The following SIX4 variants were observed in gnomAD, a reference collection of about 807,000 sequenced individuals.
SIX4 encodes SIX homeobox 4.
SIX4 carries 23 observed loss-of-function variants against 51.5 expected under a neutral mutation model. That is an observed-to-expected ratio of 0.45 (90% CI 0.32 to 0.63). The LOEUF (loss-of-function observed/expected upper bound fraction) is 0.63. Among genes scored for constraint, SIX4 ranks in the 30% least tolerant of loss-of-function variants. SIX4 has a pLI of 0.04. For synonymous variants in SIX4, 413 were observed against 417.3 expected (o/e 0.99, Z 0.13); for missense variants, 867 against 984.0 (o/e 0.88, Z 1.59).
In SIX4 at chr14:60,719,841, C is replaced by T. The variant is rs61743413; in HGVS notation, c.1468G>A (p.Gly490Arg). Residue 490 changes from glycine to arginine, a missense_variant, in exon 2 of 3, where the codon GGA (glycine) becomes AGA (arginine). Coordinates refer to ENST00000216513, the MANE Select transcript of SIX4 (RefSeq NM_017420.5). The surrounding 1 kb of genome is among the most constrained non-coding windows in gnomAD (Gnocchi z 4.9). ...CCATTAAGGAACTGGCTGTTTGCTCCGGAATTGGGGATCTGGACAATGCCA... is the reference window on the plus strand; with the variant it reads ...CCATTAAGGAACTGGCTGTTTGCTCTGGAATTGGGGATCTGGACAATGCCA... ...QYGIVQIPNS[G>R]ANSQFLNGSI... 4.2e-5 allele frequency: 67 copies of T among 1,614,012 alleles called. No individual in the cohort carries two copies. Among genetic ancestry groups the T allele is most frequent in the East Asian group, 1.1e-4 (5 of 44,898 alleles).
In SIX4 at chr14:60,719,508, T is replaced by C. The variant is rs1326941160; in HGVS notation, c.1549+252A>G. 6.6e-6 allele frequency among the ~76,000 whole-genome samples: 1 copy of C among 152,234 alleles called. No homozygotes were observed. Among genetic ancestry groups the C allele is most frequent in the Non-Finnish European group, 1.5e-5 (1 of 68,046 alleles). On this transcript the variant is annotated intron_variant, in intron 2 of 2. Coordinates refer to ENST00000216513, the MANE Select transcript of SIX4 (RefSeq NM_017420.5). The surrounding 1 kb of genome is among the most constrained non-coding windows in gnomAD (Gnocchi z 4.9). ...TAATTGTAGAACTGGCAGGACTTGC[T>C]ATGAACTGTATTTTTCCATTCAGTT...
Position 60,723,697 on chromosome 14 carries a change from C to A in SIX4, c.378G>T (p.Leu126=). The A allele has an allele frequency of 1.3e-6, 2 of 1,562,518 alleles. No homozygotes were observed. The highest frequency in any genetic ancestry group is 1.7e-6 in the Non-Finnish European group (2 of 1,155,348). ...VCEALQQGGN[L]DRLARFLWSL... is the part of the protein sequence containing the mutation. Reference sequence around the variant, plus strand: ...ACCACAGGAACCGGGCCAGGCGGTCCAGGTTGCCCCCCTGCTGCAGTGCCT... The same window carrying A: ...ACCACAGGAACCGGGCCAGGCGGTCAAGGTTGCCCCCCTGCTGCAGTGCCT... Residue 126 remains leucine (L), a synonymous_variant, in exon 1 of 3, where the codon CTG becomes CTT. Coordinates refer to ENST00000216513, the MANE Select transcript of SIX4 (RefSeq NM_017420.5).
At position 60,723,418 on chromosome 14, in the gene SIX4, G is replaced by T. The variant is rs759573608; in HGVS notation, c.657C>A (p.Thr219=). The T allele has an allele frequency of 1.9e-6, 3 of 1,611,286 alleles. No homozygotes were observed. The African/African-American group carries it at 4.0e-5, about 22-fold the overall frequency. Residue 219 remains threonine, a synonymous_variant, in exon 1 of 3, where the codon ACC becomes ACA. Coordinates refer to ENST00000216513, the MANE Select transcript of SIX4 (RefSeq NM_017420.5). ...ACACCGTCTCCTCGCCGTCCCAGAT[G>T]GTGCGGGGCAGGGGGAATTTCCTGC... ...RLRRKFPLPR[T]IWDGEETVYC...
intron 2 of SIX4, 37 bp from the exon 3 acceptor site, chr14:60,714,240 G>A: frequency 2.0e-6 from 3 of 1,508,054 alleles, no homozygotes; most frequent in Non-Finnish European, 2.6e-6. Flanking sequence ...ACTGATGGAA[G>A]TGAGAGGGAA....
Position 60,723,838 on chromosome 14 carries a change from C to T in SIX4, c.237G>A (p.Ala79=), listed in dbSNP as rs1409300755. The T allele has an allele frequency of 3.3e-6, 5 of 1,521,840 alleles. No individual in the cohort carries two copies. The highest frequency in any genetic ancestry group is 1.2e-5 in the South Asian group (1 of 82,304). 94.3% of individuals were successfully genotyped at this position (1,521,840 alleles called of 1,614,324 possible). A position where few individuals can be genotyped will look rare whatever the true frequency, so the allele number is the denominator to read the frequency against. ...AGTGGAGTTGTACCTGATCCGCCGC[C>T]GCTCCGGCCGCCGCCGCCGCCACTG... The part of the protein sequence containing the change: ...EGAVAAAAAG[A]AADQVQLHSE... The change falls in exon 1 of 3, where the codon GCG becomes GCA. Residue 79 remains alanine, a synonymous_variant. Transcript: ENST00000216513.
chr14:60,723,874 T>C lies in SIX4; in HGVS notation c.201A>G (p.Gly67=), dbSNP rs781133170. 34 of 1,540,712 alleles carry C rather than the reference T, an allele frequency of 2.2e-5. No individual in the cohort carries two copies. The Middle Eastern group carries it at 2.0e-3, about 90-fold the overall frequency. The change falls in exon 1 of 3, where the codon GGA becomes GGG. Residue 67 remains glycine (G), a synonymous_variant. Transcript: ENST00000216513. The stretch of plus-strand genomic sequence containing the variant: ...CCGCCGCCGCCACTGCCCCTTCCTC[T>C]CCGCTCACCCTGGCGGCAGCGGTCG... The part of the protein sequence containing the change: ...DAATAAARVS[G]EEGAVAAAAA...
In SIX4 at chr14:60,717,594, T is replaced by C. The variant is rs531095941; in HGVS notation, c.1549+2166A>G. On this transcript the variant is annotated intron_variant, in intron 2 of 2. Transcript: ENST00000216513. This position sits in a 1 kb window ranked among gnomAD's most constrained non-coding sequence, Gnocchi z 4.6. The stretch of plus-strand genomic sequence containing the variant: ...GAATTTGTAGAAATTATAACATATA[T>C]AAAAGAGAATTTGATCTAAAATTTG... Among the ~76,000 whole-genome samples, 2 of 152,258 alleles carry C rather than the reference T, an allele frequency of 1.3e-5. No individual in the cohort carries two copies. Among genetic ancestry groups the C allele is most frequent in the East Asian group, 3.9e-4 (2 of 5,192 alleles).
At position 60,714,187 on chromosome 14, in the gene SIX4, G is replaced by C; in HGVS notation, c.1566C>G (p.Ser522Arg). Residue 522 changes from serine (S) to arginine (R), a missense_variant, in exon 3 of 3, where the codon AGC (serine) becomes AGG (arginine). By Grantham distance (110) the Ser-to-Arg change is moderately radical. Coordinates refer to ENST00000216513, the MANE Select transcript of SIX4 (RefSeq NM_017420.5). ...ATGTGCTTCCATCTGAAGTGCTTGA[G>C]CTTACTGAGATATTACCTAAAAAAA... ...VAASQGNISV[S>R]SSTSDGSTFT... 6.3e-7 allele frequency: 1 copy of C among 1,588,104 alleles called. No homozygotes were observed. Among genetic ancestry groups the C allele is most frequent in the Non-Finnish European group, 8.5e-7 (1 of 1,173,416 alleles).
chr14:60,722,904 C>T lies in SIX4; in HGVS notation c.863+308G>A, dbSNP rs1260685722. ...GAGAGGGTGGCAACTTCAAAGCCAG[C>T]GGGATGGGGGTGGGAAGCTGGGCAG... On this transcript the variant is annotated intron_variant, in intron 1 of 2. Transcript: ENST00000216513. This position sits in a 1 kb window ranked among gnomAD's most constrained non-coding sequence, Gnocchi z 5.9. 1.1e-4 allele frequency: 30 copies of T among 269,730 alleles called. No homozygotes were observed. The East Asian group carries it at 1.7e-3, about 15-fold the overall frequency. The allele number at this position is 269,730 out of a possible 1,614,324, so 16.7% of individuals were successfully genotyped here. A position where few individuals can be genotyped will look rare whatever the true frequency, so the allele number is the denominator to read the frequency against.
rs948148885 is a variant in SIX4 at position 60,719,416 on chromosome 14, A to T, written c.1549+344T>A. ...TTTTGTGTTCTTAGCAATTTTATTA[A>T]TTTTTAATATTAAAATGCCAAGCAG... On this transcript the variant is annotated intron_variant, in intron 2 of 2. Transcript: ENST00000216513. The surrounding 1 kb of genome is among the most constrained non-coding windows in gnomAD (Gnocchi z 4.9). Among the ~76,000 whole-genome samples, 1 of 152,208 alleles carries T rather than the reference A, an allele frequency of 6.6e-6. No homozygotes were observed. The highest frequency in any genetic ancestry group is 1.5e-5 in the Non-Finnish European group (1 of 68,042).
At position 60,719,828 on chromosome 14, in the gene SIX4, T is replaced by C; in HGVS notation, c.1481A>G (p.Gln494Arg). The C allele has an allele frequency of 6.2e-7, 1 of 1,614,232 alleles. No individual in the cohort carries two copies. Among genetic ancestry groups the C allele is most frequent in the Non-Finnish European group, 8.5e-7 (1 of 1,180,038 alleles). The change falls in exon 2 of 3, where the codon CAG (glutamine) becomes CGG (arginine). Residue 494 changes from glutamine (Q) to arginine (R), a missense_variant. Transcript: ENST00000216513. This position sits in a 1 kb window ranked among gnomAD's most constrained non-coding sequence, Gnocchi z 4.9. Reference sequence around the variant, plus strand: ...GAATCCAATGCTCCCATTAAGGAACTGGCTGTTTGCTCCGGAATTGGGGAT... The same window carrying C: ...GAATCCAATGCTCCCATTAAGGAACCGGCTGTTTGCTCCGGAATTGGGGAT... ...VQIPNSGANS[Q>R]FLNGSIGFSP...
In SIX4 at chr14:60,722,995, A is replaced by C; in HGVS notation, c.863+217T>G. 2 of 868,394 alleles carry C rather than the reference A, an allele frequency of 2.3e-6. No individual in the cohort carries two copies. The highest frequency in any genetic ancestry group is 3.9e-5 in the Admixed American group (1 of 25,454). 53.8% of individuals were successfully genotyped at this position (868,394 alleles called of 1,614,324 possible). ...CGGGCGACCAGAAACTTCTGGGGGGAGAGGGGGAGGGTAAGGAGGGAGGTT... is the reference window on the plus strand; with the variant it reads ...CGGGCGACCAGAAACTTCTGGGGGGCGAGGGGGAGGGTAAGGAGGGAGGTT... On this transcript the variant is annotated intron_variant, in intron 1 of 2. Coordinates refer to ENST00000216513, the MANE Select transcript of SIX4 (RefSeq NM_017420.5). This position sits in a 1 kb window ranked among gnomAD's most constrained non-coding sequence, Gnocchi z 5.9.
In SIX4 at chr14:60,713,982, T is replaced by G. The variant is rs754936515; in HGVS notation, c.1771A>C (p.Asn591His). ...LMPVNQNAQV[N>H]ANLSSENISG... ...ATGTTTTCAGAAGACAGGTTTGCAT[T>G]TACTTGTGCATTCTGATTGACAGGC... Residue 591 changes from asparagine to histidine, a missense_variant, in exon 3 of 3, where the codon AAT becomes CAT. By Grantham distance (68) the Asn-to-His change is moderately conservative. Coordinates refer to ENST00000216513, the MANE Select transcript of SIX4 (RefSeq NM_017420.5). 3 of 1,614,102 alleles carry G rather than the reference T, an allele frequency of 1.9e-6. No individual in the cohort carries two copies. The Admixed American group carries it at 5.0e-5, about 27-fold the overall frequency.
chr14:60,720,853 C>A lies in SIX4; in HGVS notation c.864-408G>T. 1 of 678,856 alleles carries A rather than the reference C, an allele frequency of 1.5e-6. No individual in the cohort carries two copies. Among genetic ancestry groups the A allele is most frequent in the Non-Finnish European group, 1.8e-6 (1 of 544,548 alleles). 42.1% of individuals were successfully genotyped at this position (678,856 alleles called of 1,614,324 possible). On this transcript the variant is annotated intron_variant, in intron 1 of 2. Transcript: ENST00000216513. The surrounding 1 kb of genome is among the most constrained non-coding windows in gnomAD (Gnocchi z 5.5). ...TCTTTCCTGTTTAGGAACTCCTTCCCCTCCCCTCAAACCAATTCAGATTAG... is the reference window on the plus strand; with the variant it reads ...TCTTTCCTGTTTAGGAACTCCTTCCACTCCCCTCAAACCAATTCAGATTAG...
chr14:60,712,480 C>G lies in SIX4; in HGVS notation c.*927G>C, dbSNP rs1566736397. On this transcript the variant is annotated 3_prime_UTR_variant, in exon 3 of 3. Transcript: ENST00000216513. ...TGAATCAGAGTTGCTAAATAAAGAACAAGGATGTGAAAAAAAGTACCAAAA... is the reference window on the plus strand; with the variant it reads ...TGAATCAGAGTTGCTAAATAAAGAAGAAGGATGTGAAAAAAAGTACCAAAA... 2 of 152,404 alleles carry G rather than the reference C, an allele frequency of 1.3e-5. No individual in the cohort carries two copies. Among genetic ancestry groups the G allele is most frequent in the Non-Finnish European group, 1.5e-5 (1 of 67,968 alleles). The allele number at this position is 152,404 out of a possible 1,614,324, so 9.4% of individuals were successfully genotyped here.
chr14:60,724,021 T>C lies in SIX4; in HGVS notation c.54A>G (p.Gln18=), dbSNP rs147474764. 5.2e-4 allele frequency: 788 copies of C among 1,524,886 alleles called. 6 individuals are homozygous for C. In the African/African-American group the frequency reaches 7.1e-3, roughly 14 times the overall value. The allele number at this position is 1,524,886 out of a possible 1,614,324, so 94.5% of individuals were successfully genotyped here. A position where few individuals can be genotyped will look rare whatever the true frequency, so the allele number is the denominator to read the frequency against. ...CCGAGGCGCTTTCCATCCCATTCTCTTGCTTGATGTCCGCCGCACTTGCGA... is the reference window on the plus strand; with the variant it reads ...CCGAGGCGCTTTCCATCCCATTCTCCTGCTTGATGTCCGCCGCACTTGCGA... ...GQIASAADIK[Q]ENGMESASEG... Residue 18 remains glutamine, a synonymous_variant, in exon 1 of 3, where the codon CAA becomes CAG. Transcript: ENST00000216513.
rs776486708 is a variant in SIX4, at chr14:60,723,693, G to A, written c.382C>T (p.Arg128Cys). 1.3e-6 allele frequency: 2 copies of A among 1,564,406 alleles called. No homozygotes were observed. Among genetic ancestry groups the A allele is most frequent in the Non-Finnish European group, 1.7e-6 (2 of 1,156,390 alleles). The change falls in exon 1 of 3, where the codon CGC becomes TGC. Residue 128 changes from arginine (R) to cysteine (C), a missense_variant. Physicochemically the swap from Arg to Cys is radical, Grantham distance 180 (BLOSUM62 -3). Coordinates refer to ENST00000216513, the MANE Select transcript of SIX4 (RefSeq NM_017420.5). ...EALQQGGNLD[R>C]LARFLWSLPQ... ...AGGGACCACAGGAACCGGGCCAGGC[G>A]GTCCAGGTTGCCCCCCTGCTGCAGT...
In SIX4 at chr14:60,722,566, C is replaced by G. The variant is rs1896042597; in HGVS notation, c.863+646G>C. Reference sequence around the variant, plus strand: ...CCAGCACCCCACGTTGCCGCGGCCGCTAAGGGAACCATAGGGGCAGGGTGA... The same window carrying G: ...CCAGCACCCCACGTTGCCGCGGCCGGTAAGGGAACCATAGGGGCAGGGTGA... On this transcript the variant is annotated intron_variant, in intron 1 of 2. Coordinates refer to ENST00000216513, the MANE Select transcript of SIX4 (RefSeq NM_017420.5). This position sits in a 1 kb window ranked among gnomAD's most constrained non-coding sequence, Gnocchi z 5.9. 6.6e-6 allele frequency among the ~76,000 whole-genome samples: 1 copy of G among 152,184 alleles called. No homozygotes were observed. Among genetic ancestry groups the G allele is most frequent in the African/African-American group, 2.4e-5 (1 of 41,460 alleles).
Position 60,722,312 on chromosome 14 carries a change from C to A in SIX4, c.863+900G>T, listed in dbSNP as rs989169746. ...TTACCAGAGGGGGAAAGCAGTCTGCCAGGCAAAAAGCTCAAACCCAGTGGG... is the reference window on the plus strand; with the variant it reads ...TTACCAGAGGGGGAAAGCAGTCTGCAAGGCAAAAAGCTCAAACCCAGTGGG... On this transcript the variant is annotated intron_variant, in intron 1 of 2. Coordinates refer to ENST00000216513, the MANE Select transcript of SIX4 (RefSeq NM_017420.5). The surrounding 1 kb of genome is among the most constrained non-coding windows in gnomAD (Gnocchi z 5.9). Among the ~76,000 whole-genome samples the A allele has an allele frequency of 6.6e-6, 1 of 152,124 alleles. No individual in the cohort carries two copies. Among genetic ancestry groups the A allele is most frequent in the Non-Finnish European group, 1.5e-5 (1 of 68,026 alleles).
Sources: gnomAD v4.1 joint callset for allele counts (sites outside exome capture counted in the v4.1 genomes callset) on GRCh38, gnomAD v4.1.1 for gene constraint, Gnocchi (gnomAD v3.1) non-coding constraint, MANE v1.5 for transcripts, NCBI Gene and HGNC (gene_info 2026-07-23, HGNC 2026-07-21) for gene names.